CCDC146: variants seen among roughly 807,000 people sequenced by gnomAD.
CCDC146 encodes the protein coiled-coil domain-containing protein 146.
Under a neutral mutation model 119.3 loss-of-function variants are expected in CCDC146, and 92 were observed. That is an observed-to-expected ratio of 0.77 (90% CI 0.65 to 0.92). The LOEUF (loss-of-function observed/expected upper bound fraction) is 0.92. Ranked by LOEUF, CCDC146 falls within the 40% of genes least tolerant of loss-of-function variation. The probability of loss-of-function intolerance (pLI) is 0.00; values close to 1 mark genes in which losing one functional copy is unlikely to be tolerated. For synonymous variants in CCDC146, 372 were observed against 371.8 expected, an observed-to-expected ratio of 1.00 and a Z score of -0.01; for missense variants, 1,000 against 1,103.0, an observed-to-expected ratio of 0.91 and a Z score of 1.32.
At chr7:77,150,218 A>T (rs1352008114) in intron 1 of CCDC146, among the ~76,000 whole-genome samples, 2 of 152,104 alleles carry the variant, frequency 1.3e-5, no homozygotes, top group Non-Finnish European at 2.9e-5. Context: ...AGAAAAAAAC[A>T]ATAAATTGGA....
At chr7:77,260,783 C>T (rs142369387) in intron 8 of CCDC146, among the ~76,000 whole-genome samples, 131 of 52,522 alleles carry the variant, frequency 2.5e-3, no homozygotes, top group African/African-American at 0.01. Flanking sequence ...CGCACCACCA[C>T]GCCCGGCTAA....
chr7:77,283,762 A>T (rs1210629428), intron 15 of CCDC146, among the ~76,000 whole-genome samples: 2 of 151,908 alleles, frequency 1.3e-5, no homozygotes, highest in Non-Finnish European at 2.9e-5. Context: ...TGTGAAGGGG[A>T]TTCATAGGAT....
chr7:77,217,590 T>C (rs1295020443), intron 2 of CCDC146, among the ~76,000 whole-genome samples: 1 of 151,826 alleles, frequency 6.6e-6, no homozygotes, highest in Admixed American at 6.6e-5. Flanking sequence ...GTTATATAAA[T>C]ATATAGTTCT....
chr7:77,155,417 C>A (rs1025773334), intron 1 of CCDC146, among the ~76,000 whole-genome samples: 1 of 151,978 alleles, frequency 6.6e-6, no homozygotes, highest in African/African-American at 2.4e-5. Context: ...TGACAGAAGT[C>A]AAATTGTGTC....
At chr7:77,135,714 A>G (rs1790852154) in intron 1 of CCDC146, among the ~76,000 whole-genome samples, 1 of 152,224 alleles carries the variant, frequency 6.6e-6, no homozygotes, top group African/African-American at 2.4e-5. Flanking sequence ...CAATTAAAAG[A>G]CAGAGATTGT....
In CCDC146 at chr7:77,274,661, A is replaced by AT. The variant is rs759037701; in HGVS notation, c.1440+16dup. 55 of 1,601,484 alleles carry AT rather than the reference A, an allele frequency of 3.4e-5. No individual in the cohort carries two copies. The South Asian group carries it at 4.4e-4, about 13-fold the overall frequency. On this transcript the variant is annotated intron_variant, in intron 11 of 18. Coordinates refer to ENST00000285871, the MANE Select transcript of CCDC146 (RefSeq NM_020879.3). ...ATTTCCTGAAAGCTCAGGTAACTGCATTTTTTTAACCATTCATTGATAACT... is the reference window on the plus strand; with the variant it reads ...ATTTCCTGAAAGCTCAGGTAACTGCATTTTTTTTAACCATTCATTGATAACT...
At chr7:77,177,363 C>G (rs151232374) in intron 2 of CCDC146, among the ~76,000 whole-genome samples, 2 of 152,056 alleles carry the variant, frequency 1.3e-5, no homozygotes, top group Non-Finnish European at 2.9e-5. Context: ...AAGGAGCTTA[C>G]GAAGTAGTTT....
chr7:77,130,580 C>CATAAT (rs949503178), intron 1 of CCDC146, among the ~76,000 whole-genome samples: 1 of 150,480 alleles, frequency 6.6e-6, no homozygotes, highest in Non-Finnish European at 1.5e-5. Flanking sequence ...TCATAGCCAG[C>CATAAT]ATAATATCCT....
At chr7:77,179,852 A>G (rs1047915498) in intron 2 of CCDC146, among the ~76,000 whole-genome samples, 10 of 152,060 alleles carry the variant, frequency 6.6e-5, no homozygotes, top group Admixed American at 5.9e-4. Flanking sequence ...CCATTAAACA[A>G]CTCCCCAATT....
chr7:77,213,880 C>G (rs1257225877), intron 2 of CCDC146, among the ~76,000 whole-genome samples: 1 of 152,080 alleles, frequency 6.6e-6, no homozygotes, highest in African/African-American at 2.4e-5. Flanking sequence ...TGGATGGACA[C>G]TTAGGTTGAT....
intron 1 of CCDC146, among the ~76,000 whole-genome samples, chr7:77,128,418 A>C (rs1308091544): frequency 6.6e-6 from 1 of 151,910 alleles, no homozygotes; most frequent in Non-Finnish European, 1.5e-5. Flanking sequence ...TCATTCATAC[A>C]AAAGAATAAA....
chr7:77,227,621 A>G (rs1033671886), intron 2 of CCDC146, among the ~76,000 whole-genome samples: 15 of 152,196 alleles, frequency 9.9e-5, no homozygotes, highest in Non-Finnish European at 1.5e-5. Flanking sequence ...GCTGTTAAAG[A>G]TGGGACTCAA....
intron 1 of CCDC146, among the ~76,000 whole-genome samples, chr7:77,166,233 A>C (rs571589215): frequency 6.6e-6 from 1 of 152,336 alleles, no homozygotes; most frequent in African/African-American, 2.4e-5. Context: ...TTCACAGAGG[A>C]AGCTGATTTT....
chr7:77,127,322 T>C (rs1166822822), intron 1 of CCDC146, among the ~76,000 whole-genome samples: 5 of 152,062 alleles, frequency 3.3e-5, no homozygotes, highest in Non-Finnish European at 5.9e-5. Context: ...GCAGGGAGGC[T>C]CAGATCTACA....
chr7:77,193,025 C>T (rs1214700001), intron 2 of CCDC146, among the ~76,000 whole-genome samples: 7 of 152,174 alleles, frequency 4.6e-5, no homozygotes, highest in Non-Finnish European at 1.0e-4. Context: ...TTTGAACAAT[C>T]CCCCTGGTAG....
At chr7:77,254,600 C>G in intron 5 of CCDC146, 37 bp downstream of exon 5, 2 of 1,126,500 alleles carry the variant, frequency 1.8e-6, no homozygotes, top group South Asian at 2.7e-5. Context: ...TTAAATACAG[C>G]TGGATTCAAT....
In CCDC146 at chr7:77,256,465, C is replaced by T. The variant is rs752401622; in HGVS notation, c.640C>T (p.Gln214Ter). ...TAAACAAAAGCAATTATTAAAAGAG[C>T]AGAAGGAACTAGAAGAATTGTTGGG... is the stretch of plus-strand genomic sequence containing the variant. ...ASKQKQLLKE[Q>*]KELEELLGHQ... Residue 214 changes from glutamine to a stop codon, truncating the protein, a stop_gained, in exon 6 of 19, where the codon CAG (glutamine) becomes TAG (stop). Coordinates refer to ENST00000285871, the MANE Select transcript of CCDC146 (RefSeq NM_020879.3). LOFTEE classifies it high-confidence loss of function. 6.2e-7 allele frequency: 1 copy of T among 1,606,588 alleles called. No homozygotes were observed. The highest frequency in any genetic ancestry group is 2.2e-5 in the East Asian group (1 of 44,774).
At chr7:77,277,548 C>T (rs990337233) in intron 11 of CCDC146, among the ~76,000 whole-genome samples, 5 of 152,100 alleles carry the variant, frequency 3.3e-5, no homozygotes, top group African/African-American at 7.2e-5. Flanking sequence ...AGAAGGCAAT[C>T]TTTTATGTTC....
At chr7:77,249,315 C>G (rs895655143) in intron 4 of CCDC146, among the ~76,000 whole-genome samples, 9 of 152,074 alleles carry the variant, frequency 5.9e-5, no homozygotes, top group Non-Finnish European at 2.9e-5. Context: ...TGGTGAAACC[C>G]TGTCTCTACT....
Sources: allele counts gnomAD v4.1 joint callset (sites outside exome capture counted in the v4.1 genomes callset), GRCh38; gene constraint gnomAD v4.1.1; transcripts MANE v1.5; gene names NCBI Gene and HGNC (gene_info 2026-07-23, HGNC 2026-07-21).